MDGA1: variants seen among roughly 807,000 people sequenced by gnomAD.
MDGA1 encodes MAM domain-containing glycosylphosphatidylinositol anchor protein 1.
In MDGA1, 54 loss-of-function variants were observed where a neutral mutation model predicts 101.5. The ratio of observed to expected loss-of-function variants is 0.53; its 90% CI spans 0.43 to 0.67. The LOEUF (loss-of-function observed/expected upper bound fraction) is 0.67, where lower values mean the gene tolerates loss of function less well. MDGA1 is among the 30% of genes least tolerant of loss of function. The pLI is 0.00. For synonymous variants in MDGA1, 533 were observed against 558.3 expected (o/e 0.95, Z 0.64); for missense variants, 1,083 against 1,323.8 (o/e 0.82, Z 2.82).
chr6:37,646,486 T>C, intron 10 of MDGA1, 111 bp from the exon 11 acceptor site: 1 of 883,520 alleles, frequency 1.1e-6, no homozygotes, highest in South Asian at 3.2e-5. Flanking sequence ...GCTGTCTTCA[T>C]AATAAAAATG....
In MDGA1 at chr6:37,631,662, G is replaced by A. The variant is rs1048814950; in HGVS notation, c.*5706C>T. ...AATGCTCATCACTGCCTATCCCCAT[G>A]ACCTTGGCAAGCCCATCTCACCTAC... On this transcript the variant is annotated 3_prime_UTR_variant, in exon 17 of 17. Transcript: ENST00000434837. 2 of 152,148 alleles carry A rather than the reference G, an allele frequency of 1.3e-5. No individual in the cohort carries two copies. Among genetic ancestry groups the A allele is most frequent in the Non-Finnish European group, 2.9e-5 (2 of 68,032 alleles). 9.4% of individuals were successfully genotyped at this position (152,148 alleles called of 1,614,324 possible).
chr6:37,679,053 A>G (rs1176347057), intron 1 of MDGA1, among the ~76,000 whole-genome samples: 1 of 152,012 alleles, frequency 6.6e-6, no homozygotes, highest in African/African-American at 2.4e-5. Flanking sequence ...TTATAAATTG[A>G]GAAATGCAAT....
chr6:37,661,013 A>T (rs1761611297), intron 2 of MDGA1, among the ~76,000 whole-genome samples: 1 of 152,158 alleles, frequency 6.6e-6, no homozygotes, highest in Admixed American at 6.5e-5. Context: ...ATTTAGGGTT[A>T]TGCTATCTCA....
Position 37,647,224 on chromosome 6 carries a change from CCTCT to C in MDGA1, c.1991_1994del (p.Gln664ArgfsTer19), listed in dbSNP as rs1761226327. 6.3e-7 allele frequency: 1 copy of C among 1,592,432 alleles called. No homozygotes were observed. Among genetic ancestry groups the C allele is most frequent in the East Asian group, 2.3e-5 (1 of 43,960 alleles). ...GCACAGGGTCGACAGCGTCGGGCTCCCTCTGAGTCCACTGCAGCACGTAGGAGTA... is the reference window on the plus strand; with the variant it reads ...GCACAGGGTCGACAGCGTCGGGCTCCGAGTCCACTGCAGCACGTAGGAGTA... On this transcript the variant is annotated frameshift_variant, in exon 10 of 17. Transcript: ENST00000434837. LOFTEE classifies it high-confidence loss of function.
In MDGA1 at chr6:37,630,967, A is replaced by G. The variant is rs565360876; in HGVS notation, c.*6401T>C. On this transcript the variant is annotated 3_prime_UTR_variant, in exon 17 of 17. Transcript: ENST00000434837. ...GAGGCCTGAGCTGAAGCTCCAAGGC[A>G]TCTTCAACTCAGCATGTCACATTCT... is the stretch of plus-strand genomic sequence containing the variant. The G allele has an allele frequency of 2.6e-5, 4 of 152,374 alleles. No individual in the cohort carries two copies. The highest frequency in any genetic ancestry group is 2.1e-4 in the South Asian group (1 of 4,828). 9.4% of individuals were successfully genotyped at this position (152,374 alleles called of 1,614,324 possible).
At chr6:37,665,033 C>T (rs1387770294) in intron 1 of MDGA1, among the ~76,000 whole-genome samples, 3 of 152,214 alleles carry the variant, frequency 2.0e-5, no homozygotes, top group African/African-American at 2.4e-5. Flanking sequence ...CAAAAGGCTG[C>T]GGCTCCTCCC....
rs542770314 is a variant in MDGA1 at position 37,652,760 on chromosome 6, T to C, written c.983-420A>G. On this transcript the variant is annotated intron_variant, in intron 6 of 16. Coordinates refer to ENST00000434837, the MANE Select transcript of MDGA1 (RefSeq NM_153487.4). This position sits in a 1 kb window ranked among gnomAD's most constrained non-coding sequence, Gnocchi z 4.3. ...CAATCTTGAATTCAAACTCAGAGTC[T>C]GAGCTCTTGACCCCTACAATGCTTT... Among the ~76,000 whole-genome samples, 174 of 152,370 alleles carry C rather than the reference T, an allele frequency of 1.1e-3. No individual in the cohort carries two copies. Among genetic ancestry groups the C allele is most frequent in the African/African-American group, 3.9e-3 (161 of 41,596 alleles).
chr6:37,668,880 C>G (rs1358823617), intron 1 of MDGA1, among the ~76,000 whole-genome samples: 1 of 152,172 alleles, frequency 6.6e-6, no homozygotes, highest in Non-Finnish European at 1.5e-5. Flanking sequence ...CGGAGTCTAG[C>G]TCTGTCGCCC....
chr6:37,654,202 TTGGTA>T lies in MDGA1; in HGVS notation c.982+67_982+71del. 2.1e-6 allele frequency: 3 copies of T among 1,457,730 alleles called. No individual in the cohort carries two copies. In the South Asian group the frequency reaches 4.4e-5, roughly 21 times the overall value. 90.3% of individuals were successfully genotyped at this position (1,457,730 alleles called of 1,614,324 possible). On this transcript the variant is annotated intron_variant, in intron 6 of 16. Transcript: ENST00000434837. ...GCAGACAGGCCCCTTTCCTAGTTCA[TTGGTA>T]GCTCCCAAAGACCAGGGACCTTGTC...
chr6:37,665,688 C>T (rs1202544499), intron 1 of MDGA1, among the ~76,000 whole-genome samples: 2 of 152,172 alleles, frequency 1.3e-5, no homozygotes, highest in Non-Finnish European at 2.9e-5. Flanking sequence ...GATAAAAGAC[C>T]AGCAACCATG....
At chr6:37,682,709 A>G (rs893145086) in intron 1 of MDGA1, among the ~76,000 whole-genome samples, 1 of 152,158 alleles carries the variant, frequency 6.6e-6, no homozygotes, top group Non-Finnish European at 1.5e-5. Context: ...GTGATTCTAG[A>G]TCATCTCTGT....
intron 6 of MDGA1, among the ~76,000 whole-genome samples, chr6:37,653,012 T>C (rs780804500): frequency 6.6e-6 from 1 of 152,182 alleles, no homozygotes; most frequent in African/African-American, 2.4e-5. Context: ...AAACACAGCA[T>C]TTGGAAAGAA....
chr6:37,677,547 C>T (rs914721602), intron 1 of MDGA1, among the ~76,000 whole-genome samples: 1 of 151,940 alleles, frequency 6.6e-6, no homozygotes, highest in Non-Finnish European at 1.5e-5. Context: ...TAGCAGGAGA[C>T]GTGTGTAGGA....
chr6:37,666,522 C>T (rs1761758105), intron 1 of MDGA1, among the ~76,000 whole-genome samples: 3 of 152,182 alleles, frequency 2.0e-5, no homozygotes, highest in Admixed American at 2.0e-4. Flanking sequence ...TGACAGGCGC[C>T]TTCCTTCTTT....
chr6:37,681,320 CCTGCCCCCCCT>C (rs1762092642), intron 1 of MDGA1, among the ~76,000 whole-genome samples: 2 of 152,154 alleles, frequency 1.3e-5, no homozygotes, highest in Admixed American at 6.5e-5. Context: ...TCGGCCTGCC[CCTGCCCCCCCT>C]CTTCAGGTCT....
chr6:37,666,784 C>T (rs79632896), intron 1 of MDGA1, among the ~76,000 whole-genome samples: 1,620 of 152,300 alleles, frequency 0.011, 12 homozygotes, highest in Non-Finnish European at 0.018. Flanking sequence ...AGAAAACAGG[C>T]ATCACCATCT....
At chr6:37,684,264 T>C (rs1397080426) in intron 1 of MDGA1, among the ~76,000 whole-genome samples, 1 of 152,142 alleles carries the variant, frequency 6.6e-6, no homozygotes, top group Non-Finnish European at 1.5e-5. Context: ...CAACCTCCAG[T>C]TCACACTACC....
chr6:37,670,532 GGTT>G (rs1322672225), intron 1 of MDGA1, among the ~76,000 whole-genome samples: 1 of 148,252 alleles, frequency 6.7e-6, no homozygotes, highest in Non-Finnish European at 1.5e-5. Flanking sequence ...TGCAAAATGG[GGTT>G]GTTGTGAGGA....
chr6:37,690,112 A>C (rs1762278930), intron 1 of MDGA1, among the ~76,000 whole-genome samples: 1 of 151,916 alleles, frequency 6.6e-6, no homozygotes, highest in Non-Finnish European at 1.5e-5. Flanking sequence ...GCCACATTGG[A>C]CTCCTCACTG....
Sources: allele counts gnomAD v4.1 joint callset (sites outside exome capture counted in the v4.1 genomes callset), GRCh38; gene constraint gnomAD v4.1.1; non-coding constraint Gnocchi (gnomAD v3.1); transcripts MANE v1.5; gene names NCBI Gene and HGNC (gene_info 2026-07-23, HGNC 2026-07-21).